MYRIP: variants seen among roughly 807,000 people sequenced by gnomAD.
MYRIP encodes the protein rab effector MyRIP.
A neutral mutation model predicts 98.0 loss-of-function variants in MYRIP; 49 were observed. The ratio of observed to expected loss-of-function variants is 0.50; its 90% CI spans 0.40 to 0.63. The LOEUF is 0.63. MYRIP is among the 30% of genes least tolerant of loss of function. The pLI is 0.00. For missense variants in MYRIP, 1,004 were observed against 1,058.2 expected (o/e 0.95, Z 0.71); for synonymous variants, 404 against 409.5 (o/e 0.99, Z 0.16).
chr3:39,858,259 CA>C (rs771325127), intron 1 of MYRIP, among the ~76,000 whole-genome samples: 2 of 151,922 alleles, frequency 1.3e-5, no homozygotes, highest in Non-Finnish European at 2.9e-5. Flanking sequence ...TTATGTTAGA[CA>C]AAATACACTT....
chr3:40,031,774 G>A (rs999743051), intron 2 of MYRIP, among the ~76,000 whole-genome samples: 15 of 151,962 alleles, frequency 9.9e-5, no homozygotes, highest in Admixed American at 2.0e-4. Context: ...GTTTATTTGC[G>A]TAGAGGTGTT....
At chr3:39,966,669 A>G (rs1945450589) in intron 2 of MYRIP, among the ~76,000 whole-genome samples, 1 of 152,234 alleles carries the variant, frequency 6.6e-6, no homozygotes, top group African/African-American at 2.4e-5. Flanking sequence ...TACTGAAAGC[A>G]TAAAGAGAAT....
chr3:39,984,732 G>A (rs575748154), intron 2 of MYRIP, among the ~76,000 whole-genome samples: 17 of 152,050 alleles, frequency 1.1e-4, no homozygotes, highest in African/African-American at 3.6e-4. Flanking sequence ...AGTCCTTTGG[G>A]TATATACCCA....
intron 9 of MYRIP, among the ~76,000 whole-genome samples, chr3:40,189,001 C>T (rs997975030): frequency 1.3e-5 from 2 of 152,158 alleles, no homozygotes; most frequent in African/African-American, 2.4e-5. Flanking sequence ...AGACCTGAGC[C>T]CAGTTTAGAC....
At chr3:40,091,335 G>C (rs9859994) in intron 3 of MYRIP, among the ~76,000 whole-genome samples, 72,112 of 112,312 alleles carry the variant, frequency 0.64, 23,066 homozygotes, top group Admixed American at 0.71. Context: ...GACCTGTTAT[G>C]CTGGGATTAT....
intron 11 of MYRIP, among the ~76,000 whole-genome samples, chr3:40,217,365 A>G (rs1052805109): frequency 6.6e-6 from 1 of 152,190 alleles, no homozygotes; most frequent in Non-Finnish European, 1.5e-5. Context: ...TATGAATTAA[A>G]GTAATAATTT....
intron 3 of MYRIP, among the ~76,000 whole-genome samples, chr3:40,060,966 A>G (rs183650759): frequency 6.6e-5 from 10 of 152,374 alleles, no homozygotes; most frequent in Non-Finnish European, 1.2e-4. Context: ...TGCTTTCATT[A>G]TAATTCAACA....
chr3:40,185,830 G>A (rs549076975), intron 9 of MYRIP, among the ~76,000 whole-genome samples: 1 of 152,190 alleles, frequency 6.6e-6, no homozygotes, highest in South Asian at 2.1e-4. Context: ...CAGGGCCCCA[G>A]GAGAAGCTGT....
chr3:39,843,389 A>G (rs894401177), intron 1 of MYRIP, among the ~76,000 whole-genome samples: 14 of 152,226 alleles, frequency 9.2e-5, no homozygotes, highest in Non-Finnish European at 1.9e-4. Context: ...AGAAAGAAAA[A>G]GAAAAAAAGA....
intron 11 of MYRIP, 86 bp from the exon 12 acceptor site, chr3:40,233,773 T>C: frequency 8.1e-7 from 1 of 1,240,002 alleles, no homozygotes; most frequent in South Asian, 1.3e-5. Context: ...CTCATGATGA[T>C]GAGTGTCATG....
chr3:39,851,925 A>C (rs867031350), intron 1 of MYRIP, among the ~76,000 whole-genome samples: 6 of 152,096 alleles, frequency 3.9e-5, no homozygotes, highest in African/African-American at 1.4e-4. Context: ...CTTCTCCTGC[A>C]TTGCAGTGAT....
At chr3:39,841,126 T>C (rs1305871763) in intron 1 of MYRIP, among the ~76,000 whole-genome samples, 1 of 151,500 alleles carries the variant, frequency 6.6e-6, no homozygotes, top group African/African-American at 2.4e-5. Flanking sequence ...TTTTTTCACA[T>C]AGTCCCATAT....
At chr3:40,200,119 A>T (rs898655645) in intron 10 of MYRIP, among the ~76,000 whole-genome samples, 2 of 150,464 alleles carry the variant, frequency 1.3e-5, no homozygotes, top group African/African-American at 4.9e-5. Flanking sequence ...GGTGCCTCTT[A>T]CATTTTCTTT....
At position 40,188,087 on chromosome 3, in the gene MYRIP, G is replaced by A. The variant is rs893860939; in HGVS notation, c.1028-1739G>A. Among the ~76,000 whole-genome samples the A allele has an allele frequency of 2.5e-4, 38 of 152,270 alleles. No individual in the cohort carries two copies. In the East Asian group the frequency reaches 2.7e-3, roughly 11 times the overall value. ...CTGACTCTCAAAATAAAAATAACTCGATGTCCTGCCAGTCTGAGCTGCAGT... is the reference window on the plus strand; with the variant it reads ...CTGACTCTCAAAATAAAAATAACTCAATGTCCTGCCAGTCTGAGCTGCAGT... On this transcript the variant is annotated intron_variant, in intron 9 of 16. Coordinates refer to ENST00000302541, the MANE Select transcript of MYRIP (RefSeq NM_015460.4).
intron 4 of MYRIP, among the ~76,000 whole-genome samples, chr3:40,159,845 C>T (rs1385114042): frequency 1.3e-5 from 2 of 152,010 alleles, no homozygotes; most frequent in African/African-American, 4.8e-5. Flanking sequence ...TTCAGCTCCA[C>T]CAGCTCCTTT....
At chr3:39,858,787 C>A (rs1942378596) in intron 1 of MYRIP, among the ~76,000 whole-genome samples, 1 of 151,898 alleles carries the variant, frequency 6.6e-6, no homozygotes, top group Admixed American at 6.6e-5. Context: ...CCTGAACAAC[C>A]AATGGGTCAA....
intron 1 of MYRIP, among the ~76,000 whole-genome samples, chr3:39,882,629 C>G (rs1435817736): frequency 6.6e-6 from 1 of 152,096 alleles, no homozygotes; most frequent in Non-Finnish European, 1.5e-5. Flanking sequence ...TGATCTTGGG[C>G]ATGTTATTTA....
intron 1 of MYRIP, among the ~76,000 whole-genome samples, chr3:39,888,742 A>C (rs554563173): frequency 3.5e-4 from 54 of 152,330 alleles, no homozygotes; most frequent in African/African-American, 1.3e-3. Context: ...GTGAACAGGC[A>C]ACCTACAAAA....
chr3:40,197,408 A>G (rs1951423022), intron 10 of MYRIP, among the ~76,000 whole-genome samples: 1 of 152,132 alleles, frequency 6.6e-6, no homozygotes, highest in African/African-American at 2.4e-5. Context: ...TATGCAATCC[A>G]TAACATAAAC....
Sources: allele counts gnomAD v4.1 joint callset (sites outside exome capture counted in the v4.1 genomes callset), GRCh38; gene constraint gnomAD v4.1.1; transcripts MANE v1.5; gene names NCBI Gene and HGNC (gene_info 2026-07-23, HGNC 2026-07-21).